GSE1: variants seen among roughly 807,000 people sequenced by gnomAD.
GSE1 encodes the protein genetic suppressor element 1.
In GSE1, 32 loss-of-function variants were observed where a neutral mutation model predicts 112.6. That is an observed-to-expected ratio of 0.28 (90% CI 0.21 to 0.38). The LOEUF (loss-of-function observed/expected upper bound fraction) is 0.38, where lower values mean the gene tolerates loss of function less well. Among genes scored for constraint, GSE1 ranks in the 10% least tolerant of loss-of-function variants. The pLI, the probability that GSE1 is intolerant of heterozygous loss-of-function variation, is 1.00. For missense variants in GSE1, 2,348 were observed against 1,699.2 expected (o/e 1.38, Z -6.71); for synonymous variants, 1,115 against 735.6 (o/e 1.52, Z -8.35).
chr16:85,343,933 C>G (rs918174373), intron 1 of GSE1, among the ~76,000 whole-genome samples: 1 of 152,200 alleles, frequency 6.6e-6, no homozygotes, highest in East Asian at 1.9e-4. Context: ...TGCTCTTCCT[C>G]AAATGCAACC....
intron 2 of GSE1, among the ~76,000 whole-genome samples, chr16:85,640,846 GC>G (rs2050384057): frequency 6.6e-6 from 1 of 152,252 alleles, no homozygotes; most frequent in African/African-American, 2.4e-5. Flanking sequence ...TCTGTCTCCC[GC>G]GCAGGTGTGA....
intron 2 of GSE1, among the ~76,000 whole-genome samples, chr16:85,524,948 T>C (rs1171244227): frequency 6.6e-6 from 1 of 152,108 alleles, no homozygotes; most frequent in African/African-American, 2.4e-5. Flanking sequence ...GGATTAAACA[T>C]GAATGAGTGA....
chr16:85,400,249 TTGTGTGTGTGTG>T (rs60393248), intron 2 of GSE1, among the ~76,000 whole-genome samples: 16 of 150,590 alleles, frequency 1.1e-4, no homozygotes, highest in African/African-American at 2.4e-4. Flanking sequence ...AAGTGTAGGG[TTGTGTGTGTGTG>T]TGTGTGTGTG....
At chr16:85,636,179 A>G (rs955624332) in intron 2 of GSE1, among the ~76,000 whole-genome samples, 15 of 152,314 alleles carry the variant, frequency 9.8e-5, no homozygotes, top group African/African-American at 2.9e-4. Flanking sequence ...CCCCCCAGGA[A>G]AGATGCCCCC....
At chr16:85,592,560 C>T (rs1468479817) in intron 1 of GSE1, 1 of 152,236 alleles carries the variant, frequency 6.6e-6, no homozygotes, top group Non-Finnish European at 1.5e-5. Context: ...AGCATTTCTA[C>T]CCGTGGCCCC....
At chr16:85,534,790 CCT>C (rs1193534770) in intron 2 of GSE1, among the ~76,000 whole-genome samples, 5 of 152,194 alleles carry the variant, frequency 3.3e-5, no homozygotes, top group Admixed American at 2.0e-4. Flanking sequence ...GCGTTGCTCC[CCT>C]GTCTGTGACG....
chr16:85,249,207 G>T (rs4072960), intron 1 of GSE1, among the ~76,000 whole-genome samples: 10,520 of 152,300 alleles, frequency 0.069, 1,184 homozygotes, highest in African/African-American at 0.24. Context: ...CAGACTTCAT[G>T]GTGCCCAGTA....
At chr16:85,607,892 G>A (rs1469102217), upstream of GSE1, among the ~76,000 whole-genome samples, 1 of 152,198 alleles carries the variant, frequency 6.6e-6, no homozygotes, top group Non-Finnish European at 1.5e-5. Flanking sequence ...CAGCAGACAC[G>A]CTGTGGCCCG....
chr16:85,660,690 G>C lies in GSE1; in HGVS notation c.1641-456G>C, dbSNP rs559848215. On this transcript the variant is annotated intron_variant, in intron 8 of 15. Transcript: ENST00000253458. ...CTGTCGCCTAGGCTGGAGTGCAATGGCACGGTCTCAGCTCACTGCAACGTC... is the reference window on the plus strand; with the variant it reads ...CTGTCGCCTAGGCTGGAGTGCAATGCCACGGTCTCAGCTCACTGCAACGTC... Among the ~76,000 whole-genome samples, 16 of 151,894 alleles carry C rather than the reference G, an allele frequency of 1.1e-4. 1 individual carries two copies. In the South Asian group the frequency reaches 1.7e-3, roughly 16 times the overall value.
chr16:85,241,248 A>G (rs2143931390), intron 1 of GSE1, among the ~76,000 whole-genome samples: 1 of 152,258 alleles, frequency 6.6e-6, no homozygotes, highest in African/African-American at 2.4e-5. Flanking sequence ...GTGTCTGTAA[A>G]AGCAGGGCTG....
chr16:85,389,049 TG>T (rs1438345840), intron 2 of GSE1, among the ~76,000 whole-genome samples: 1 of 152,182 alleles, frequency 6.6e-6, no homozygotes, highest in East Asian at 1.9e-4. Context: ...CCTCATTGAC[TG>T]GGAAAAGGAG....
intron 2 of GSE1, among the ~76,000 whole-genome samples, chr16:85,446,786 T>C (rs2049526675): frequency 6.6e-6 from 1 of 152,112 alleles, no homozygotes; most frequent in Non-Finnish European, 1.5e-5. Context: ...CCTGGGTGCG[T>C]TGGGCAGGTT....
chr16:85,666,639 A>T, intron 13 of GSE1: 1 of 416,728 alleles, frequency 2.4e-6, no homozygotes, highest in Non-Finnish European at 4.3e-6. Context: ...GCCGACAGGC[A>T]TTGGTTTTTG....
At chr16:85,237,233 G>T (rs1056821512) in intron 1 of GSE1, among the ~76,000 whole-genome samples, 2 of 152,160 alleles carry the variant, frequency 1.3e-5, no homozygotes, top group Admixed American at 6.5e-5. Context: ...TGAGGCAGGA[G>T]AATGACTTGT....
chr16:85,319,874 A>G (rs2046065385), intron 1 of GSE1, among the ~76,000 whole-genome samples: 1 of 152,218 alleles, frequency 6.6e-6, no homozygotes, highest in South Asian at 2.1e-4. Flanking sequence ...GGCAGCACCT[A>G]GCATGGTGCC....
chr16:85,668,218 C>A lies in GSE1; in HGVS notation c.3209C>A (p.Ser1070Tyr). ...CACTACAACATTCCTGAGCTGCAGT[C>A]CTCCAGCCGCGCCCCTCCACCCCAG... ...SVHYNIPELQ[S>Y]SSRAPPPQHN... The change falls in exon 14 of 16, where the codon TCC becomes TAC. Residue 1070 changes from serine (S) to tyrosine (Y), a missense_variant. Ser to Tyr is a moderately radical substitution (Grantham distance 144, BLOSUM62 -2). Transcript: ENST00000253458. 1 of 1,610,248 alleles carries A rather than the reference C, an allele frequency of 6.2e-7. No homozygotes were observed. The highest frequency in any genetic ancestry group is 1.7e-4 in the Middle Eastern group (1 of 6,012).
intron 2 of GSE1, among the ~76,000 whole-genome samples, chr16:85,395,932 C>G (rs2047955328): frequency 6.6e-6 from 1 of 152,212 alleles, no homozygotes; most frequent in Admixed American, 6.5e-5. Flanking sequence ...CCTGAGTCCC[C>G]CCAGCCTGCA....
chr16:85,318,382 G>C (rs577042981), intron 1 of GSE1, among the ~76,000 whole-genome samples: 5 of 152,036 alleles, frequency 3.3e-5, no homozygotes, highest in African/African-American at 1.2e-4. Flanking sequence ...TCCTGTCTTC[G>C]CCTCCCAAGT....
intron 2 of GSE1, among the ~76,000 whole-genome samples, chr16:85,520,481 G>C (rs1328773890): frequency 6.6e-6 from 1 of 151,474 alleles, no homozygotes; most frequent in Non-Finnish European, 1.5e-5. Flanking sequence ...ACCCAGGCTG[G>C]TGTGATCTCG....
Sources: allele counts gnomAD v4.1 joint callset (sites outside exome capture counted in the v4.1 genomes callset), GRCh38; gene constraint gnomAD v4.1.1; transcripts MANE v1.5; gene names NCBI Gene and HGNC (gene_info 2026-07-23, HGNC 2026-07-21).